The following CEP128 variants were observed in gnomAD, a reference collection of about 807,000 sequenced individuals.
CEP128 encodes centrosomal protein 128, also known as centrosomal protein 128kDa.
CEP128 carries 132 observed loss-of-function variants against 156.7 expected under a neutral mutation model. The observed-to-expected ratio is 0.84, with a 90% CI of 0.73 to 0.97. The LOEUF is 0.97. Among genes scored for constraint, CEP128 ranks in the 50% least tolerant of loss-of-function variants. The probability of loss-of-function intolerance (pLI) is 0.00; values close to 1 mark genes in which losing one functional copy is unlikely to be tolerated. For missense variants in CEP128, 1,252 were observed against 1,281.9 expected (o/e 0.98, Z 0.36); for synonymous variants, 469 against 448.9 (o/e 1.04, Z -0.57).
intron 24 of CEP128, among the ~76,000 whole-genome samples, chr14:80,503,000 T>G (rs979199949): frequency 5.3e-5 from 8 of 152,168 alleles, no homozygotes; most frequent in African/African-American, 1.9e-4. Context: ...ATTCAATTAC[T>G]TGAAAGTAAT....
At chr14:80,522,310 A>T (rs1566755198) in intron 23 of CEP128, among the ~76,000 whole-genome samples, 1 of 152,234 alleles carries the variant, frequency 6.6e-6, no homozygotes. Flanking sequence ...AACAAATCAC[A>T]AAGATTCAAT....
intron 2 of CEP128, among the ~76,000 whole-genome samples, chr14:80,948,611 A>G (rs1886396032): frequency 6.6e-6 from 1 of 152,236 alleles, no homozygotes; most frequent in South Asian, 2.1e-4. Context: ...ATTGCCAAAC[A>G]CCACTTTCTA....
intron 19 of CEP128, among the ~76,000 whole-genome samples, chr14:80,690,244 TAAAAAAAAA>T (rs552661665): frequency 4.3e-5 from 5 of 116,426 alleles, no homozygotes; most frequent in South Asian, 5.6e-4. Flanking sequence ...CTGTCTCTAT[TAAAAAAAAA>T]AAAAAAAAAA....
chr14:80,489,745 G>A (rs1335507182), downstream of CEP128, among the ~76,000 whole-genome samples: 2 of 150,232 alleles, frequency 1.3e-5, no homozygotes, highest in South Asian at 2.1e-4. Context: ...AGAGTAGGAT[G>A]TGACCAACAA....
intron 8 of CEP128, among the ~76,000 whole-genome samples, chr14:80,873,343 T>C (rs1888120796): frequency 6.6e-6 from 1 of 152,220 alleles, no homozygotes. Flanking sequence ...TTTTACTCAG[T>C]GGCTACATTT....
intron 19 of CEP128, among the ~76,000 whole-genome samples, chr14:80,665,892 A>C (rs917639487): frequency 1.3e-5 from 2 of 152,226 alleles, no homozygotes; most frequent in Non-Finnish European, 2.9e-5. Flanking sequence ...GATGCCATAA[A>C]ATGACCAAAG....
chr14:80,622,330 C>T (rs1045361218), intron 19 of CEP128, among the ~76,000 whole-genome samples: 17 of 151,928 alleles, frequency 1.1e-4, no homozygotes, highest in East Asian at 3.9e-4. Flanking sequence ...AAGACTTAAA[C>T]GTTAGACCTA....
At chr14:80,563,167 T>C (rs1458736406) in intron 20 of CEP128, among the ~76,000 whole-genome samples, 1 of 152,074 alleles carries the variant, frequency 6.6e-6, no homozygotes, top group Admixed American at 6.6e-5. Context: ...TGCAGGTTCA[T>C]TACTCCACCC....
At chr14:80,785,712 G>T (rs1038838758) in intron 14 of CEP128, among the ~76,000 whole-genome samples, 167 bp from the exon 15 acceptor site, 1 of 151,994 alleles carries the variant, frequency 6.6e-6, no homozygotes, top group Non-Finnish European at 1.5e-5. Flanking sequence ...TTTTAGGCCA[G>T]AAAGGTGGGG....
At position 80,784,898 on chromosome 14, in the gene CEP128, C is replaced by T. The variant is rs1901313475; in HGVS notation, c.2208G>A (p.Leu736=). The change falls in exon 15 of 25, where the codon CTG becomes CTA. Residue 736 remains leucine, a synonymous_variant. Transcript: ENST00000555265. ...CAGGATAATTTAGCAGAGGTACCTT[C>T]AGAGTCCTGATATGATTCTCAGCCT... is the stretch of plus-strand genomic sequence containing the variant. ...KSEAENHIRT[L]KAESLEEKNM... 1 of 1,602,476 alleles carries T rather than the reference C, an allele frequency of 6.2e-7. No individual in the cohort carries two copies. The highest frequency in any genetic ancestry group is 1.7e-4 in the Middle Eastern group (1 of 5,964).
At chr14:80,778,348 T>C (rs1489185755) in intron 15 of CEP128, among the ~76,000 whole-genome samples, 1 of 152,166 alleles carries the variant, frequency 6.6e-6, no homozygotes, top group Admixed American at 6.5e-5. Flanking sequence ...GAAGTGCTTA[T>C]TAAAGGTGTA....
chr14:80,956,697 G>T (rs886739351), intron 2 of CEP128, among the ~76,000 whole-genome samples: 1 of 152,020 alleles, frequency 6.6e-6, no homozygotes, highest in Admixed American at 6.5e-5. Context: ...AAAAATGCAG[G>T]TTATTAAAGA....
chr14:80,712,508 G>A (rs757335949), intron 19 of CEP128, among the ~76,000 whole-genome samples: 1 of 152,282 alleles, frequency 6.6e-6, no homozygotes, highest in African/African-American at 2.4e-5. Flanking sequence ...CTTGACCTAT[G>A]GAAGGGCCAC....
chr14:80,656,293 A>T (rs1255297513), intron 19 of CEP128, among the ~76,000 whole-genome samples: 120 of 2,400 alleles, frequency 0.05, 7 homozygotes, highest in African/African-American at 0.19. Context: ...ATATATATTT[A>T]TATATATATA....
chr14:80,673,202 C>A (rs1282040150), intron 19 of CEP128, among the ~76,000 whole-genome samples: 1 of 152,152 alleles, frequency 6.6e-6, no homozygotes, highest in Non-Finnish European at 1.5e-5. Flanking sequence ...CATTTTAAAA[C>A]AATTCCATTC....
At chr14:80,651,632 G>A (rs1894908642) in intron 19 of CEP128, among the ~76,000 whole-genome samples, 1 of 152,008 alleles carries the variant, frequency 6.6e-6, no homozygotes. Flanking sequence ...GTTCTCATTG[G>A]TTTCAAATAA....
chr14:80,699,631 T>C (rs984816186), intron 19 of CEP128, among the ~76,000 whole-genome samples: 3 of 138,988 alleles, frequency 2.2e-5, no homozygotes, highest in Non-Finnish European at 4.6e-5. Flanking sequence ...GCGAGCATGC[T>C]ACATCACTGA....
chr14:80,507,062 G>A (rs1371772096), intron 23 of CEP128, among the ~76,000 whole-genome samples: 4 of 151,850 alleles, frequency 2.6e-5, no homozygotes, highest in Admixed American at 1.3e-4. Context: ...GCCATGTGAA[G>A]TGCCTGTGCC....
chr14:80,538,671 AC>A (rs1889598338), intron 21 of CEP128, among the ~76,000 whole-genome samples: 1 of 152,096 alleles, frequency 6.6e-6, no homozygotes, highest in South Asian at 2.1e-4. Context: ...ACGTTCCCTC[AC>A]CTAATTCAGC....
Sources: allele counts gnomAD v4.1 joint callset (sites outside exome capture counted in the v4.1 genomes callset), GRCh38; gene constraint gnomAD v4.1.1; transcripts MANE v1.5; gene names NCBI Gene and HGNC (gene_info 2026-07-23, HGNC 2026-07-21).